KDM3A: variants seen among roughly 807,000 people sequenced by gnomAD.
KDM3A encodes the protein lysine demethylase 3A, also known as lysine-specific demethylase 3A.
In KDM3A, 60 loss-of-function variants were observed where a neutral mutation model predicts 158.0. The ratio of observed to expected loss-of-function variants is 0.38; its 90% CI spans 0.31 to 0.47. KDM3A has a LOEUF of 0.47. Among genes scored for constraint, KDM3A ranks in the 20% least tolerant of loss-of-function variants. The probability of loss-of-function intolerance (pLI) is 0.99; values close to 1 mark genes in which losing one functional copy is unlikely to be tolerated. For missense variants in KDM3A, 1,319 were observed against 1,574.3 expected, an observed-to-expected ratio of 0.84 and a Z score of 2.74; for synonymous variants, 608 against 549.3, an observed-to-expected ratio of 1.11 and a Z score of -1.49.
intron 8 of KDM3A, among the ~76,000 whole-genome samples, chr2:86,459,328 G>T (rs1407042016): frequency 6.6e-6 from 1 of 152,102 alleles, no homozygotes; most frequent in African/African-American, 2.4e-5. Flanking sequence ...GAGATAAACA[G>T]GATATAATAA....
chr2:86,442,829 A>T (rs949251565), intron 2 of KDM3A, among the ~76,000 whole-genome samples: 6 of 151,966 alleles, frequency 3.9e-5, no homozygotes, highest in African/African-American at 1.5e-4. Flanking sequence ...ATATGACCAT[A>T]TATGGAGGGA....
In KDM3A at chr2:86,449,781, C is replaced by A. The variant is rs769315242; in HGVS notation, c.187-26C>A. ...ATTTTAATAAATTGAATCTGCTTCC[C>A]CCACCCCCCAATTTTGTCTGTCTAG... On this transcript the variant is annotated intron_variant, in intron 2 of 25. Coordinates refer to ENST00000312912, the MANE Select transcript of KDM3A (RefSeq NM_018433.6). 31 of 1,572,606 alleles carry A rather than the reference C, an allele frequency of 2.0e-5. No homozygotes were observed. The South Asian group carries it at 3.4e-4, about 17-fold the overall frequency.
chr2:86,482,306 A>G (rs1371241590), intron 17 of KDM3A, 152 bp from the exon 18 acceptor site: 2 of 1,292,772 alleles, frequency 1.5e-6, no homozygotes, highest in Non-Finnish European at 1.1e-6. Flanking sequence ...CACTTCTATG[A>G]GTTGTCAAGT....
At chr2:86,445,641 A>G (rs1031229917) in intron 2 of KDM3A, among the ~76,000 whole-genome samples, 2 of 151,956 alleles carry the variant, frequency 1.3e-5, no homozygotes, top group African/African-American at 4.8e-5. Flanking sequence ...ATTTCCTGCT[A>G]TTGTCAGCAA....
intron 21 of KDM3A, chr2:86,488,601 A>G (rs1674301076): frequency 6.6e-6 from 1 of 152,224 alleles, no homozygotes; most frequent in African/African-American, 2.4e-5. Context: ...CCAAAACAGT[A>G]TTATGGGGCG....
chr2:86,456,157 AT>A lies in KDM3A; in HGVS notation c.557-280del, dbSNP rs147681759. The stretch of plus-strand genomic sequence containing the variant: ...TGTTTTTTAGATTATCAGACATAGT[AT>A]TTTTGTTGGGGTTCCTGAATTTGAT... On this transcript the variant is annotated intron_variant, in intron 5 of 25. Transcript: ENST00000312912. Among the ~76,000 whole-genome samples, 300 of 151,960 alleles carry A rather than the reference AT, an allele frequency of 2.0e-3. 1 individual carries two copies. The highest frequency in any genetic ancestry group is 6.8e-3 in the African/African-American group (283 of 41,446).
chr2:86,449,041 T>G lies in KDM3A; in HGVS notation c.187-766T>G, dbSNP rs1381834681. Reference sequence around the variant, plus strand: ...TTTAGACTGAATTTTCTTAATGTCTTTAAATATGTATACAGGTTTTAAGAG... The same window carrying G: ...TTTAGACTGAATTTTCTTAATGTCTGTAAATATGTATACAGGTTTTAAGAG... On this transcript the variant is annotated intron_variant, in intron 2 of 25. Transcript: ENST00000312912. Among the ~76,000 whole-genome samples the G allele has an allele frequency of 2.0e-5, 3 of 152,216 alleles. No homozygotes were observed. In the East Asian group the frequency reaches 5.8e-4, roughly 29 times the overall value.
At chr2:86,484,785 G>A (rs1674102972) in intron 19 of KDM3A, 157 bp from the exon 20 acceptor site, 2 of 535,602 alleles carry the variant, frequency 3.7e-6, no homozygotes. Context: ...GGAAAATTAA[G>A]GAAAAGTAAT....
At chr2:86,454,887 T>G (rs1672621469) in intron 4 of KDM3A, among the ~76,000 whole-genome samples, 198 bp from the exon 5 acceptor site, 1 of 152,220 alleles carries the variant, frequency 6.6e-6, no homozygotes, top group South Asian at 2.1e-4. Context: ...TCAGTCTGCC[T>G]TATAGCTGTG....
intron 2 of KDM3A, chr2:86,443,232 T>A (rs565591562): frequency 6.6e-6 from 1 of 152,244 alleles, no homozygotes; most frequent in Non-Finnish European, 1.5e-5. Context: ...CACTTGGCCA[T>A]CATCTTTGCT....
upstream of KDM3A, chr2:86,441,211 T>G (rs1682682650): frequency 6.6e-6 from 1 of 152,374 alleles, no homozygotes; most frequent in South Asian, 2.1e-4. Context: ...AAGGAATTGT[T>G]TTTTTCTCTG....
At position 86,492,631 on chromosome 2, in the gene KDM3A, A is replaced by G. The variant is rs887084903; in HGVS notation, c.*512A>G. 2.6e-5 allele frequency: 4 copies of G among 152,778 alleles called. No individual in the cohort carries two copies. Among genetic ancestry groups the G allele is most frequent in the African/African-American group, 9.6e-5 (4 of 41,458 alleles). 9.5% of individuals were successfully genotyped at this position (152,778 alleles called of 1,614,324 possible). ...ACTGTACAATTTCTTGGGGTTAACC[A>G]TCTTTAGTTAAATGGAATTTTAATT... On this transcript the variant is annotated 3_prime_UTR_variant, in exon 26 of 26. Transcript: ENST00000312912.
chr2:86,469,013 A>T (rs779200148), intron 10 of KDM3A, among the ~76,000 whole-genome samples: 3 of 152,176 alleles, frequency 2.0e-5, no homozygotes, highest in Non-Finnish European at 4.4e-5. Context: ...GTCTTTCAAT[A>T]TCTGAGTAAT....
intron 2 of KDM3A, among the ~76,000 whole-genome samples, chr2:86,442,787 TTGTC>T (rs1489901415): frequency 6.6e-6 from 1 of 152,108 alleles, no homozygotes; most frequent in Non-Finnish European, 1.5e-5. Context: ...GGGTTCCTGG[TTGTC>T]TGTGATGAGC....
At position 86,474,857 on chromosome 2, in the gene KDM3A, G is replaced by A. The variant is rs574869912; in HGVS notation, c.1806G>A (p.Leu602=). The part of the protein sequence containing the change: ...PNKYDNEAIG[L]WLPLTKNVVG... ...AGTATGACAATGAAGCAATTGGCTTGTGGTTACCTTTAACCAAAAACGTTG... is the reference window on the plus strand; with the variant it reads ...AGTATGACAATGAAGCAATTGGCTTATGGTTACCTTTAACCAAAAACGTTG... Residue 602 remains leucine (L), a synonymous_variant, in exon 12 of 26, where the codon TTG becomes TTA. Coordinates refer to ENST00000312912, the MANE Select transcript of KDM3A (RefSeq NM_018433.6). 44 of 1,613,950 alleles carry A rather than the reference G, an allele frequency of 2.7e-5. No homozygotes were observed. Among genetic ancestry groups the A allele is most frequent in the South Asian group, 2.2e-4 (20 of 91,070 alleles).
chr2:86,441,958 C>G (rs994930859), intron 1 of KDM3A, 60 bp from the exon 2 acceptor site: 4 of 1,260,050 alleles, frequency 3.2e-6, no homozygotes, highest in African/African-American at 1.5e-5. Context: ...TCCCTGCTGT[C>G]TCCGCCCGGC....
chr2:86,489,773 A>G (rs1045752774), intron 23 of KDM3A, 114 bp downstream of exon 23: 4 of 1,146,682 alleles, frequency 3.5e-6, no homozygotes, highest in Admixed American at 2.3e-5. Context: ...TGAAAAGTTA[A>G]ATCTGTACCT....
intron 9 of KDM3A, 122 bp downstream of exon 9, chr2:86,464,338 G>A: frequency 1.6e-6 from 1 of 633,538 alleles, no homozygotes; most frequent in Non-Finnish European, 2.5e-6. Context: ...GAGAAAAGAT[G>A]GATAGATGCT....
chr2:86,442,254 C>G (rs749349413), intron 2 of KDM3A, 21 bp downstream of exon 2: 2 of 1,588,310 alleles, frequency 1.3e-6, no homozygotes, highest in African/African-American at 1.3e-5. Flanking sequence ...CTCCGGGCCT[C>G]TGCCACCGGA....
Sources: allele counts gnomAD v4.1 joint callset (sites outside exome capture counted in the v4.1 genomes callset), GRCh38; gene constraint gnomAD v4.1.1; transcripts MANE v1.5; gene names NCBI Gene and HGNC (gene_info 2026-07-23, HGNC 2026-07-21).